The following LASP1 variants were observed in gnomAD, a reference collection of about 807,000 sequenced individuals.
LASP1 encodes the protein LIM and SH3 protein 1.
LASP1 carries 10 observed loss-of-function variants against 38.6 expected under a neutral mutation model. That is an observed-to-expected ratio of 0.26 (90% CI 0.16 to 0.44). The LOEUF (loss-of-function observed/expected upper bound fraction) is 0.44, where lower values mean the gene tolerates loss of function less well. Ranked by LOEUF, LASP1 falls within the 20% of genes least tolerant of loss-of-function variation. The probability of loss-of-function intolerance (pLI) is 1.00; values close to 1 mark genes in which losing one functional copy is unlikely to be tolerated. For missense variants in LASP1, 243 were observed against 375.7 expected, an observed-to-expected ratio of 0.65 and a Z score of 2.92; for synonymous variants, 132 against 140.8, an observed-to-expected ratio of 0.94 and a Z score of 0.44.
rs191460355 is a variant in LASP1, at chr17:38,900,923, G to T, written c.357+2404G>T. Among the ~76,000 whole-genome samples, 630 of 152,352 alleles carry T rather than the reference G, an allele frequency of 4.1e-3. 5 individuals carry two copies. Among genetic ancestry groups the T allele is most frequent in the African/African-American group, 0.014 (597 of 41,586 alleles). On this transcript the variant is annotated intron_variant, in intron 4 of 6. Transcript: ENST00000318008. ...TTCCCTTTGGCTCAGACCCTGCAAA[G>T]GGTAAGACCCTTAGGTCTGTGTTTC...
intron 3 of LASP1, among the ~76,000 whole-genome samples, chr17:38,893,838 G>GC (rs1914410058): frequency 6.6e-6 from 1 of 152,186 alleles, no homozygotes; most frequent in African/African-American, 2.4e-5. Context: ...GGAGAGAGCT[G>GC]CCTGCGGCTA....
At position 38,878,169 on chromosome 17, in the gene LASP1, C is replaced by T. The variant is rs1396438250; in HGVS notation, c.153C>T (p.Pro51=). Residue 51 remains proline (P), a synonymous_variant, in exon 2 of 7, where the codon CCC becomes CCT. Transcript: ENST00000318008. ...ACTACAAGGGCTACGAGAAGAAGCC[C>T]TACTGCAACGCGTGAGTCCTGTTCT... is the stretch of plus-strand genomic sequence containing the variant. ...MKNYKGYEKK[P]YCNAHYPKQS... 1.2e-6 allele frequency: 2 copies of T among 1,612,778 alleles called. No individual in the cohort carries two copies. The highest frequency in any genetic ancestry group is 1.3e-5 in the African/African-American group (1 of 74,860).
At chr17:38,891,133 G>C (rs1297812857) in intron 3 of LASP1, among the ~76,000 whole-genome samples, 2 of 143,494 alleles carry the variant, frequency 1.4e-5, no homozygotes, top group African/African-American at 2.5e-5. Flanking sequence ...CCTGAGAACA[G>C]AACAGCTGAC....
intron 4 of LASP1, among the ~76,000 whole-genome samples, chr17:38,904,101 C>T (rs907510116): frequency 3.9e-5 from 6 of 152,110 alleles, no homozygotes; most frequent in African/African-American, 1.4e-4. Flanking sequence ...GTAACATATA[C>T]AATAAACACC....
Position 38,878,182 on chromosome 17 carries a change from T to C in LASP1, c.164+2T>C. 1 of 1,610,370 alleles carries C rather than the reference T, an allele frequency of 6.2e-7. No homozygotes were observed. The highest frequency in any genetic ancestry group is 8.5e-7 in the Non-Finnish European group (1 of 1,176,796). On this transcript the variant is annotated splice_donor_variant, in intron 2 of 6. Coordinates refer to ENST00000318008, the MANE Select transcript of LASP1 (RefSeq NM_006148.4). LOFTEE classifies it high-confidence loss of function. ...CGAGAAGAAGCCCTACTGCAACGCGTGAGTCCTGTTCTGGGCAGGGGGCTG... is the reference window on the plus strand; with the variant it reads ...CGAGAAGAAGCCCTACTGCAACGCGCGAGTCCTGTTCTGGGCAGGGGGCTG...
chr17:38,897,181 A>C (rs1457161905), intron 3 of LASP1: 3 of 714,586 alleles, frequency 4.2e-6, no homozygotes, highest in African/African-American at 1.9e-5. Context: ...AGAACAGAGA[A>C]GGAGAGGGAA....
chr17:38,914,304 T>C, intron 4 of LASP1, 21 bp from the exon 5 acceptor site: 1 of 1,593,900 alleles, frequency 6.3e-7, no homozygotes, highest in Non-Finnish European at 8.5e-7. Flanking sequence ...ACCCTTCACC[T>C]AGTGCCTTCT....
At chr17:38,884,272 G>T (rs1374259433) in intron 2 of LASP1, among the ~76,000 whole-genome samples, 1 of 151,800 alleles carries the variant, frequency 6.6e-6, no homozygotes, top group Non-Finnish European at 1.5e-5. Context: ...CTGTGAGCCC[G>T]GAAACCTTGC....
Position 38,878,180 on chromosome 17 carries a change from C to T in LASP1, c.164C>T (p.Ala55Val), listed in dbSNP as rs1450523315. The change falls in exon 2 of 7, where the codon GCA becomes GTA. Residue 55 changes from alanine to valine, a missense_variant and splice_region_variant. Physicochemically the swap from Ala to Val is moderately conservative, Grantham distance 64 (BLOSUM62 0). Transcript: ENST00000318008. ...KGYEKKPYCNAHYPKQSFTMV... is the reference protein window; with the variant it reads ...KGYEKKPYCNVHYPKQSFTMV... ...TACGAGAAGAAGCCCTACTGCAACG[C>T]GTGAGTCCTGTTCTGGGCAGGGGGC... 6.2e-7 allele frequency: 1 copy of T among 1,610,028 alleles called. No individual in the cohort carries two copies.
At chr17:38,889,559 G>A (rs1914244985) in intron 2 of LASP1, among the ~76,000 whole-genome samples, 1 of 152,180 alleles carries the variant, frequency 6.6e-6, no homozygotes, top group Admixed American at 6.5e-5. Context: ...GGCCTCATGT[G>A]ATAGGTCATA....
At chr17:38,910,570 C>A (rs954381978) in intron 4 of LASP1, among the ~76,000 whole-genome samples, 1 of 151,976 alleles carries the variant, frequency 6.6e-6, no homozygotes, top group Non-Finnish European at 1.5e-5. Context: ...CTAGACCACC[C>A]GTTCTCAGAC....
chr17:38,892,588 A>ACACACACACC (rs555480021), intron 3 of LASP1, among the ~76,000 whole-genome samples: 9 of 147,166 alleles, frequency 6.1e-5, no homozygotes, highest in Admixed American at 6.7e-5. Context: ...ACACACACAC[A>ACACACACACC]CACCCTTCTC....
At chr17:38,901,396 C>G (rs933458323) in intron 4 of LASP1, among the ~76,000 whole-genome samples, 1 of 152,226 alleles carries the variant, frequency 6.6e-6, no homozygotes, top group African/African-American at 2.4e-5. Flanking sequence ...GGGAAGGGAT[C>G]GACCCCGACC....
In LASP1 at chr17:38,919,561, C is replaced by T. The variant is rs888261743; in HGVS notation, c.*783C>T. ...TTCTCTTCCGCAGCCCCTTTCCCCACGCCCACCCCCAGTCTCCAGGGACCC... is the reference window on the plus strand; with the variant it reads ...TTCTCTTCCGCAGCCCCTTTCCCCATGCCCACCCCCAGTCTCCAGGGACCC... On this transcript the variant is annotated 3_prime_UTR_variant, in exon 7 of 7. Transcript: ENST00000318008. 2.0e-5 allele frequency: 5 copies of T among 247,090 alleles called. No homozygotes were observed. The highest frequency in any genetic ancestry group is 3.2e-5 in the Non-Finnish European group (4 of 125,234). 15.3% of individuals were successfully genotyped at this position (247,090 alleles called of 1,614,324 possible). A position where few individuals can be genotyped will look rare whatever the true frequency, so the allele number is the denominator to read the frequency against.
chr17:38,874,697 G>A (rs979646902), intron 1 of LASP1, among the ~76,000 whole-genome samples: 1 of 152,174 alleles, frequency 6.6e-6, no homozygotes, highest in African/African-American at 2.4e-5. Context: ...TCTGCTCAGA[G>A]CCCCCTGCAG....
chr17:38,908,546 C>T (rs1013889519), intron 4 of LASP1, among the ~76,000 whole-genome samples: 1 of 152,246 alleles, frequency 6.6e-6, no homozygotes, highest in Non-Finnish European at 1.5e-5. Flanking sequence ...GGTTGGCTGC[C>T]TCACCTCAGG....
intron 2 of LASP1, among the ~76,000 whole-genome samples, chr17:38,883,875 C>T (rs36056406): frequency 6.0e-4 from 91 of 151,000 alleles, no homozygotes; most frequent in African/African-American, 2.0e-3. Context: ...TGCTTCCTAT[C>T]GCCACCACTT....
Position 38,870,059 on chromosome 17 carries a change from C to T in LASP1, c.-131C>T, listed in dbSNP as rs1213256128. ...AGGGGAAGGAGGGCGGAGGCGGAGG[C>T]CAGTTCCCCAGCTCCAGCCGCCGTC... On this transcript the variant is annotated 5_prime_UTR_variant, in exon 1 of 7. Coordinates refer to ENST00000318008, the MANE Select transcript of LASP1 (RefSeq NM_006148.4). 2.2e-6 allele frequency: 2 copies of T among 924,972 alleles called. No homozygotes were observed. Among genetic ancestry groups the T allele is most frequent in the African/African-American group, 1.6e-5 (1 of 60,824 alleles). 57.3% of individuals were successfully genotyped at this position (924,972 alleles called of 1,614,324 possible).
chr17:38,872,092 G>A (rs1203065378), intron 1 of LASP1, among the ~76,000 whole-genome samples: 1 of 152,106 alleles, frequency 6.6e-6, no homozygotes, highest in Non-Finnish European at 1.5e-5. Context: ...TCCAGGAGTT[G>A]GGAAACTGGG....
Sources: gnomAD v4.1 joint callset for allele counts (sites outside exome capture counted in the v4.1 genomes callset) on GRCh38, gnomAD v4.1.1 for gene constraint, MANE v1.5 for transcripts, NCBI Gene and HGNC (gene_info 2026-07-23, HGNC 2026-07-21) for gene names.